The following BBS9 variants were observed in gnomAD, a reference collection of about 807,000 sequenced individuals.
BBS9 encodes the protein protein PTHB1.
Under a neutral mutation model 117.7 loss-of-function variants are expected in BBS9, and 89 were observed. The observed-to-expected ratio is 0.76, with a 90% CI of 0.64 to 0.90. BBS9 has a LOEUF of 0.90. Among genes scored for constraint, BBS9 ranks in the 40% least tolerant of loss-of-function variants. The probability of loss-of-function intolerance (pLI) is 0.00; values close to 1 mark genes in which losing one functional copy is unlikely to be tolerated. For synonymous variants in BBS9, 379 were observed against 370.9 expected (o/e 1.02, Z -0.25); for missense variants, 982 against 1,042.2 (o/e 0.94, Z 0.80).
intron 21 of BBS9, among the ~76,000 whole-genome samples, chr7:33,630,095 C>T (rs917751731): frequency 2.0e-5 from 3 of 152,048 alleles, no homozygotes; most frequent in African/African-American, 2.4e-5. Context: ...TAAAACTTTC[C>T]ATTTGAATTT....
chr7:33,378,506 A>G (rs6968365), intron 17 of BBS9, among the ~76,000 whole-genome samples: 27,138 of 152,148 alleles, frequency 0.18, 2,604 homozygotes, highest in South Asian at 0.21. Flanking sequence ...GTCTTTGCCC[A>G]ATATGGGGGG....
intron 19 of BBS9, among the ~76,000 whole-genome samples, chr7:33,454,969 G>T (rs948508659): frequency 6.6e-6 from 1 of 152,178 alleles, no homozygotes; most frequent in South Asian, 2.1e-4. Flanking sequence ...CAGTTCCAAT[G>T]AGCTGTAAGA....
chr7:33,630,191 G>A (rs1283701824), intron 21 of BBS9, among the ~76,000 whole-genome samples: 1 of 152,010 alleles, frequency 6.6e-6, no homozygotes, highest in South Asian at 2.1e-4. Flanking sequence ...CATAAGCAAA[G>A]CAAAACAGAT....
At chr7:33,475,913 A>C (rs902813444) in intron 19 of BBS9, among the ~76,000 whole-genome samples, 2 of 152,162 alleles carry the variant, frequency 1.3e-5, no homozygotes, top group Non-Finnish European at 2.9e-5. Context: ...AAGAATACCC[A>C]CCTGCTAACA....
chr7:33,353,315 C>T lies in BBS9; in HGVS notation c.1552+442C>T, dbSNP rs750333140. ...GTGATAAGAATGGTGTGTGTGTTCG[C>T]TCTGTGGGCATATTCCTTGTCTTGT... is the stretch of plus-strand genomic sequence containing the variant. On this transcript the variant is annotated intron_variant, in intron 15 of 22. Transcript: ENST00000242067. Among the ~76,000 whole-genome samples, 40 of 152,198 alleles carry T rather than the reference C, an allele frequency of 2.6e-4. 1 individual carries two copies. Among genetic ancestry groups the T allele is most frequent in the South Asian group, 2.1e-4 (1 of 4,818 alleles).
At chr7:33,276,993 A>C (rs1332715215) in intron 9 of BBS9, 1 of 244,394 alleles carries the variant, frequency 4.1e-6, no homozygotes, top group Non-Finnish European at 8.8e-6. Context: ...TGGAGACTCC[A>C]TGGCAGACTT....
In BBS9 at chr7:33,261,017, A is replaced by G. The variant is rs191043995; in HGVS notation, c.618-3273A>G. On this transcript the variant is annotated intron_variant, in intron 6 of 22. Coordinates refer to ENST00000242067, the MANE Select transcript of BBS9 (RefSeq NM_198428.3). ...TTCTCCAATCTTTGGCTCTGACCAA[A>G]TGGAAATATTTGTAGTCTCCATATA... Among the ~76,000 whole-genome samples, 280 of 152,238 alleles carry G rather than the reference A, an allele frequency of 1.8e-3. 1 individual carries two copies. The highest frequency in any genetic ancestry group is 6.0e-3 in the African/African-American group (250 of 41,544).
chr7:33,547,026 G>GT (rs1457459862), intron 21 of BBS9, among the ~76,000 whole-genome samples: 2 of 152,042 alleles, frequency 1.3e-5, no homozygotes, highest in East Asian at 1.9e-4. Flanking sequence ...TTTTTTTAAA[G>GT]TTTTTTATTT....
At chr7:33,346,823 G>A (rs1817678870) in intron 12 of BBS9, among the ~76,000 whole-genome samples, 1 of 152,140 alleles carries the variant, frequency 6.6e-6, no homozygotes, top group Non-Finnish European at 1.5e-5. Flanking sequence ...TTTTCAAATG[G>A]CTTATTACTA....
intron 5 of BBS9, among the ~76,000 whole-genome samples, chr7:33,255,034 G>C (rs960796506): frequency 6.6e-6 from 1 of 152,006 alleles, no homozygotes; most frequent in African/African-American, 2.4e-5. Context: ...AGTTGTGTGA[G>C]CTTCTTATAT....
chr7:33,539,309 T>C (rs147923963), intron 21 of BBS9, among the ~76,000 whole-genome samples: 3 of 152,256 alleles, frequency 2.0e-5, no homozygotes, highest in Admixed American at 1.3e-4. Context: ...TCCCAGACAA[T>C]AGTGGCTCAG....
At position 33,242,486 on chromosome 7, in the gene BBS9, A is replaced by G. The variant is rs559391169; in HGVS notation, c.443-14750A>G. Among the ~76,000 whole-genome samples, 4 of 152,140 alleles carry G rather than the reference A, an allele frequency of 2.6e-5. No individual in the cohort carries two copies. The South Asian group carries it at 8.3e-4, about 32-fold the overall frequency. ...AGGAAAATGCCCAACAGCTCTTTTT[A>G]CCTTTATGGGGTTCACACTTTTACT... On this transcript the variant is annotated intron_variant, in intron 5 of 22. Coordinates refer to ENST00000242067, the MANE Select transcript of BBS9 (RefSeq NM_198428.3).
intron 15 of BBS9, among the ~76,000 whole-genome samples, chr7:33,356,918 C>G (rs905244363): frequency 6.6e-6 from 1 of 151,762 alleles, no homozygotes; most frequent in African/African-American, 2.4e-5. Flanking sequence ...TTTTCTACAG[C>G]ACTATGGCAC....
At chr7:33,610,444 G>A (rs1034264606), downstream of BBS9, among the ~76,000 whole-genome samples, 1 of 152,094 alleles carries the variant, frequency 6.6e-6, no homozygotes, top group East Asian at 1.9e-4. Flanking sequence ...CTTCCAAGAC[G>A]GCGCCTTGCA....
At chr7:33,613,146 A>T (rs1200669020) in intron 21 of BBS9, among the ~76,000 whole-genome samples, 1 of 152,094 alleles carries the variant, frequency 6.6e-6, no homozygotes, top group Non-Finnish European at 1.5e-5. Context: ...GAAAGTAATT[A>T]GGAAAGGGAG....
chr7:33,441,293 TA>T (rs1563181266), intron 19 of BBS9, among the ~76,000 whole-genome samples: 20 of 142,438 alleles, frequency 1.4e-4, no homozygotes, highest in African/African-American at 4.5e-4. Flanking sequence ...AAAAAAAAAA[TA>T]AAATAAAAGG....
intron 21 of BBS9, among the ~76,000 whole-genome samples, chr7:33,585,373 G>A (rs561227213): frequency 1.8e-3 from 274 of 152,158 alleles, no homozygotes; most frequent in Non-Finnish European, 3.1e-3. Context: ...AGATTGTTTG[G>A]ACAGTAATTC....
chr7:33,138,554 ACT>A (rs35554129), intron 1 of BBS9, among the ~76,000 whole-genome samples: 22,572 of 150,876 alleles, frequency 0.15, 2,294 homozygotes, highest in South Asian at 0.22. Context: ...AAGGGACCAA[ACT>A]CTGTGAAAAG....
At chr7:33,541,778 G>C (rs1852348171) in intron 21 of BBS9, among the ~76,000 whole-genome samples, 1 of 152,130 alleles carries the variant, frequency 6.6e-6, no homozygotes, top group East Asian at 1.9e-4. Flanking sequence ...GTATGTTAGT[G>C]GTTGCCTAGG....
Sources: gnomAD v4.1 joint callset for allele counts (sites outside exome capture counted in the v4.1 genomes callset) on GRCh38, gnomAD v4.1.1 for gene constraint, MANE v1.5 for transcripts, NCBI Gene and HGNC (gene_info 2026-07-23, HGNC 2026-07-21) for gene names.